HS3ST3A1: variants seen among roughly 807,000 people sequenced by gnomAD.
HS3ST3A1 encodes heparan sulfate glucosamine 3-O-sulfotransferase 3A1.
HS3ST3A1 carries 19 observed loss-of-function variants against 25.7 expected under a neutral mutation model. That is an observed-to-expected ratio of 0.74 (90% CI 0.52 to 1.08). HS3ST3A1 has a LOEUF of 1.08. Among genes scored for constraint, HS3ST3A1 ranks in the 50% least tolerant of loss-of-function variants. HS3ST3A1 has a pLI of 0.00. For synonymous variants in HS3ST3A1, 226 were observed against 278.6 expected, an observed-to-expected ratio of 0.81 and a Z score of 1.88; for missense variants, 459 against 594.3, an observed-to-expected ratio of 0.77 and a Z score of 2.37.
intron 1 of HS3ST3A1, among the ~76,000 whole-genome samples, chr17:13,581,755 C>G (rs1305175964): frequency 6.6e-6 from 1 of 152,144 alleles, no homozygotes; most frequent in Non-Finnish European, 1.5e-5. Flanking sequence ...TTTTAATAAA[C>G]TTTGGTCTAT....
chr17:13,569,195 G>T (rs1257836843), intron 1 of HS3ST3A1, among the ~76,000 whole-genome samples: 1 of 152,058 alleles, frequency 6.6e-6, no homozygotes, highest in Non-Finnish European at 1.5e-5. Context: ...ATTGTCTGTG[G>T]GCTACAGCAG....
intron 1 of HS3ST3A1, among the ~76,000 whole-genome samples, chr17:13,546,760 T>A (rs1233047411): frequency 6.6e-6 from 1 of 152,224 alleles, no homozygotes; most frequent in East Asian, 1.9e-4. Context: ...AACTGTGTCC[T>A]CTAGAACACC....
intron 1 of HS3ST3A1, among the ~76,000 whole-genome samples, chr17:13,505,424 T>C (rs1053831804): frequency 2.0e-5 from 3 of 152,154 alleles, no homozygotes; most frequent in African/African-American, 7.2e-5. Context: ...GTCAGTGATA[T>C]ATTAAATCTG....
chr17:13,536,238 C>G (rs1906766490), intron 1 of HS3ST3A1, among the ~76,000 whole-genome samples: 1 of 151,874 alleles, frequency 6.6e-6, no homozygotes, highest in Admixed American at 6.6e-5. Context: ...ACAACTTTGC[C>G]TGCAATGTCA....
intron 1 of HS3ST3A1, among the ~76,000 whole-genome samples, chr17:13,555,088 G>T (rs1239108422): frequency 1.3e-5 from 2 of 152,066 alleles, no homozygotes; most frequent in African/African-American, 4.8e-5. Context: ...TACCTCGTCG[G>T]TGTTCTCACC....
At chr17:13,532,918 C>T (rs1906652182) in intron 1 of HS3ST3A1, among the ~76,000 whole-genome samples, 1 of 151,178 alleles carries the variant, frequency 6.6e-6, no homozygotes, top group East Asian at 2.0e-4. Context: ...CACACACACA[C>T]ACACACACAT....
intron 1 of HS3ST3A1, among the ~76,000 whole-genome samples, chr17:13,557,919 C>G (rs889715638): frequency 6.6e-6 from 1 of 152,266 alleles, no homozygotes; most frequent in Admixed American, 6.5e-5. Context: ...TCCTGGTAAA[C>G]GTTTTGAATT....
At chr17:13,586,146 C>T (rs1266906178) in intron 1 of HS3ST3A1, among the ~76,000 whole-genome samples, 1 of 152,128 alleles carries the variant, frequency 6.6e-6, no homozygotes, top group Non-Finnish European at 1.5e-5. Flanking sequence ...CACAACCCGC[C>T]TCTGTGTTCC....
intron 1 of HS3ST3A1, among the ~76,000 whole-genome samples, chr17:13,526,324 G>A (rs1598414339): frequency 6.6e-6 from 1 of 151,578 alleles, no homozygotes; most frequent in East Asian, 1.9e-4. Flanking sequence ...TCTTTAGTAG[G>A]TAGACGGTGA....
chr17:13,521,545 C>A (rs1421343933), intron 1 of HS3ST3A1, among the ~76,000 whole-genome samples: 2 of 152,196 alleles, frequency 1.3e-5, no homozygotes, highest in African/African-American at 4.8e-5. Context: ...GATGAATCCG[C>A]TTTCATGGAC....
intron 1 of HS3ST3A1, among the ~76,000 whole-genome samples, chr17:13,565,261 G>A (rs1227771579): frequency 6.6e-6 from 1 of 152,130 alleles, no homozygotes; most frequent in Non-Finnish European, 1.5e-5. Flanking sequence ...CTTGAGGCCA[G>A]GCGCAGTTGC....
At chr17:13,546,173 A>G (rs755303376) in intron 1 of HS3ST3A1, among the ~76,000 whole-genome samples, 1 of 152,202 alleles carries the variant, frequency 6.6e-6, no homozygotes, top group African/African-American at 2.4e-5. Flanking sequence ...CTTTCATCTT[A>G]TCTAGTCCTT....
At chr17:13,506,992 C>A (rs1039938921) in intron 1 of HS3ST3A1, among the ~76,000 whole-genome samples, 7 of 151,074 alleles carry the variant, frequency 4.6e-5, no homozygotes, top group Non-Finnish European at 8.8e-5. Flanking sequence ...TCGCTTGAAC[C>A]CGGGAGGCAG....
chr17:13,561,497 C>T (rs1163301757), intron 1 of HS3ST3A1, among the ~76,000 whole-genome samples: 1 of 152,008 alleles, frequency 6.6e-6, no homozygotes, highest in Non-Finnish European at 1.5e-5. Flanking sequence ...AGCGATTCTC[C>T]TGCCTCAGCC....
intron 1 of HS3ST3A1, among the ~76,000 whole-genome samples, chr17:13,526,634 C>CTTTT: frequency 6.6e-6 from 1 of 150,436 alleles, no homozygotes. Flanking sequence ...TGGTCATTTT[C>CTTTT]TTTTTATTTT....
chr17:13,560,289 CAAAAAAAAAAAAAAAA>C (rs10632927), intron 1 of HS3ST3A1, among the ~76,000 whole-genome samples: 3 of 17,378 alleles, frequency 1.7e-4, no homozygotes, highest in South Asian at 3.4e-3. Context: ...CACTCGTCTC[CAAAAAAAAAAAAAAAA>C]AAAAAAAAAA....
At position 13,517,796 on chromosome 17, in the gene HS3ST3A1, C is replaced by T. The variant is rs143349675; in HGVS notation, c.600-20978G>A. Among the ~76,000 whole-genome samples the T allele has an allele frequency of 5.1e-4, 78 of 152,194 alleles. 1 individual carries two copies. The South Asian group carries it at 7.3e-3, about 14-fold the overall frequency. On this transcript the variant is annotated intron_variant, in intron 1 of 1. Transcript: ENST00000284110. ...CCTCCCAAGTAGCTGGGATTACAGG[C>T]GCCTGCCACCATCTCTGGCTAATTT...
At chr17:13,514,648 A>G (rs2142310967) in intron 1 of HS3ST3A1, among the ~76,000 whole-genome samples, 1 of 152,194 alleles carries the variant, frequency 6.6e-6, no homozygotes, top group East Asian at 1.9e-4. Context: ...CTTTGAGAGG[A>G]CAAGGAGGGT....
chr17:13,530,588 C>A (rs1028764534), intron 1 of HS3ST3A1, among the ~76,000 whole-genome samples: 2 of 152,144 alleles, frequency 1.3e-5, no homozygotes, highest in Admixed American at 6.5e-5. Flanking sequence ...GACAATCTAA[C>A]AATCTGTTTG....
Sources: gnomAD v4.1 joint callset for allele counts (sites outside exome capture counted in the v4.1 genomes callset) on GRCh38, gnomAD v4.1.1 for gene constraint, MANE v1.5 for transcripts, NCBI Gene and HGNC (gene_info 2026-07-23, HGNC 2026-07-21) for gene names.